SCN8A: variants seen among roughly 807,000 people sequenced by gnomAD.
SCN8A encodes sodium voltage-gated channel alpha subunit 8.
A neutral mutation model predicts 184.1 loss-of-function variants in SCN8A; 30 were observed. The ratio of observed to expected loss-of-function variants is 0.16; its 90% CI spans 0.12 to 0.22. The LOEUF (loss-of-function observed/expected upper bound fraction) is 0.22. Among genes scored for constraint, SCN8A ranks in the 10% least tolerant of loss-of-function variants. The probability of loss-of-function intolerance (pLI) is 1.00; values close to 1 mark genes in which losing one functional copy is unlikely to be tolerated. For missense variants in SCN8A, 1,057 were observed against 2,498.9 expected (o/e 0.42, Z 12.30); for synonymous variants, 852 against 907.0 (o/e 0.94, Z 1.09).
At chr12:51,636,772 A>G (rs1433309846) in intron 1 of SCN8A, among the ~76,000 whole-genome samples, 1 of 152,262 alleles carries the variant, frequency 6.6e-6, no homozygotes. Context: ...GATGCAATGC[A>G]AGGCATTGTG....
chr12:51,669,555 C>T (rs957609431), intron 2 of SCN8A, among the ~76,000 whole-genome samples: 2 of 152,160 alleles, frequency 1.3e-5, no homozygotes, highest in African/African-American at 4.8e-5. Flanking sequence ...GATATTCTAC[C>T]CACACAGGCC....
At position 51,618,491 on chromosome 12, in the gene SCN8A, A is replaced by G. The variant is rs200638005; in HGVS notation, c.-55+27132A>G. On this transcript the variant is annotated intron_variant, in intron 1 of 26. Coordinates refer to ENST00000627620, the MANE Select transcript of SCN8A (RefSeq NM_001330260.2). Reference sequence around the variant, plus strand: ...CACACACACACACACACACACACACACACACACACACACACACAGAAAGAA... The same window carrying G: ...CACACACACACACACACACACACACGCACACACACACACACACAGAAAGAA... Among the ~76,000 whole-genome samples, 3 of 151,312 alleles carry G rather than the reference A, an allele frequency of 2.0e-5. No homozygotes were observed. In the East Asian group the frequency reaches 5.8e-4, roughly 29 times the overall value.
chr12:51,628,556 G>A (rs563969390), intron 1 of SCN8A, among the ~76,000 whole-genome samples: 25 of 152,252 alleles, frequency 1.6e-4, no homozygotes, highest in South Asian at 2.1e-4. Context: ...TTCTTATTCT[G>A]TAGGGATTCG....
Position 51,769,957 on chromosome 12 carries a change from C to T in SCN8A, c.3462C>T (p.Tyr1154=). The part of the protein sequence containing the change: ...EEVPVEQPEE[Y]LDPDACFTEG... ...TCCCTGTGGAACAGCCTGAGGAATA[C>T]TTGGATCCAGATGCCTGCTTCACAG... Residue 1154 remains tyrosine, a synonymous_variant, in exon 18 of 27, where the codon TAC becomes TAT. Transcript: ENST00000627620. 4 of 1,604,066 alleles carry T rather than the reference C, an allele frequency of 2.5e-6. No homozygotes were observed. Among genetic ancestry groups the T allele is most frequent in the Admixed American group, 1.7e-5 (1 of 58,748 alleles).
At chr12:51,700,375 T>C (rs1941667489) in intron 7 of SCN8A, among the ~76,000 whole-genome samples, 1 of 152,094 alleles carries the variant, frequency 6.6e-6, no homozygotes, top group African/African-American at 2.4e-5. Context: ...ATAAAAATTA[T>C]TTTTTTCCCT....
chr12:51,770,810 A>C (rs758409745), intron 19 of SCN8A, 127 bp downstream of exon 19: 13 of 987,324 alleles, frequency 1.3e-5, no homozygotes, highest in Non-Finnish European at 2.0e-5. Context: ...AAGAAGAATG[A>C]TCTGTTAAAG....
intron 1 of SCN8A, among the ~76,000 whole-genome samples, chr12:51,598,250 G>C (rs1670420874): frequency 6.6e-6 from 1 of 152,116 alleles, no homozygotes; most frequent in Admixed American, 6.6e-5. Context: ...AGGGGATTTG[G>C]ATGTGAACGT....
chr12:51,713,136 A>G lies in SCN8A; in HGVS notation c.1635+6421A>G. 9 of 1,208,988 alleles carry G rather than the reference A, an allele frequency of 7.4e-6. 1 individual carries two copies. The South Asian group carries it at 1.1e-4, about 14-fold the overall frequency. 74.9% of individuals were successfully genotyped at this position (1,208,988 alleles called of 1,614,324 possible). On this transcript the variant is annotated intron_variant, in intron 11 of 26. Coordinates refer to ENST00000627620, the MANE Select transcript of SCN8A (RefSeq NM_001330260.2). ...TTTTTCCACTCTGCCTCTCTTGCAT[A>G]ACTTCTATGGTTTCAATCTTGCCAT...
intron 11 of SCN8A, among the ~76,000 whole-genome samples, chr12:51,720,685 TA>T (rs1252084729): frequency 6.6e-6 from 1 of 152,104 alleles, no homozygotes; most frequent in Non-Finnish European, 1.5e-5. Flanking sequence ...TCAACTGAAC[TA>T]AAAGGCTTGA....
intron 11 of SCN8A, among the ~76,000 whole-genome samples, chr12:51,721,080 ATT>A (rs1565899303): frequency 6.1e-4 from 24 of 39,190 alleles, no homozygotes; most frequent in African/African-American, 2.2e-3. Context: ...AAAAAAAAAA[ATT>A]ATATATATAT....
At chr12:51,732,221 T>C (rs1481665620) in intron 12 of SCN8A, among the ~76,000 whole-genome samples, 1 of 152,242 alleles carries the variant, frequency 6.6e-6, no homozygotes, top group Non-Finnish European at 1.5e-5. Flanking sequence ...CTTACCTCTT[T>C]AATCCATTTT....
intron 1 of SCN8A, among the ~76,000 whole-genome samples, chr12:51,638,692 G>A (rs546912469): frequency 1.1e-4 from 16 of 151,982 alleles, no homozygotes; most frequent in East Asian, 5.8e-4. Flanking sequence ...TCACCATGTC[G>A]GCCAGGATGG....
At chr12:51,692,299 T>C (rs535973108) in intron 6 of SCN8A, among the ~76,000 whole-genome samples, 1 of 152,312 alleles carries the variant, frequency 6.6e-6, no homozygotes, top group East Asian at 1.9e-4. Context: ...GCTGATACTG[T>C]CCTTCCTCTT....
intron 25 of SCN8A, among the ~76,000 whole-genome samples, chr12:51,793,592 G>A (rs1938326518): frequency 6.6e-6 from 1 of 152,128 alleles, no homozygotes; most frequent in Non-Finnish European, 1.5e-5. Flanking sequence ...GGGATTGAGA[G>A]AAGAAATGGC....
chr12:51,699,156 C>T (rs1269225075), intron 6 of SCN8A, among the ~76,000 whole-genome samples: 2 of 152,206 alleles, frequency 1.3e-5, no homozygotes, highest in African/African-American at 4.8e-5. Context: ...GACGTTTAAA[C>T]TGGGCCTTGA....
rs549157179 is a variant in SCN8A at position 51,620,676 on chromosome 12, A to G, written c.-55+29317A>G. Among the ~76,000 whole-genome samples, 5 of 151,950 alleles carry G rather than the reference A, an allele frequency of 3.3e-5. No individual in the cohort carries two copies. In the South Asian group the frequency reaches 1.0e-3, roughly 32 times the overall value. ...ATTTTGCCTTCTGAACCTGTTCCAC[A>G]TCAGCTAGACTTAAAAAAAAAAAGA... On this transcript the variant is annotated intron_variant, in intron 1 of 26. Transcript: ENST00000627620.
At chr12:51,778,020 A>C (rs924548147) in intron 20 of SCN8A, among the ~76,000 whole-genome samples, 4 of 152,160 alleles carry the variant, frequency 2.6e-5, no homozygotes, top group African/African-American at 9.7e-5. Context: ...CTCCATATAA[A>C]TTCTTATTGA....
At chr12:51,740,066 T>A (rs1942394715) in intron 12 of SCN8A, among the ~76,000 whole-genome samples, 1 of 152,276 alleles carries the variant, frequency 6.6e-6, no homozygotes, top group Admixed American at 6.5e-5. Context: ...AGATCGCTCA[T>A]GCTATTGTTT....
chr12:51,763,021 G>T (rs1942784105), intron 15 of SCN8A, among the ~76,000 whole-genome samples: 1 of 152,142 alleles, frequency 6.6e-6, no homozygotes, highest in Non-Finnish European at 1.5e-5. Context: ...TCTAATTTGG[G>T]TTTGCTAGTG....
Sources: gnomAD v4.1 joint callset for allele counts (sites outside exome capture counted in the v4.1 genomes callset) on GRCh38, gnomAD v4.1.1 for gene constraint, MANE v1.5 for transcripts, NCBI Gene and HGNC (gene_info 2026-07-23, HGNC 2026-07-21) for gene names.